Variants in TENM3 observed in about 807,000 individuals in gnomAD.
TENM3 encodes teneurin transmembrane protein 3, also known as teneurin-3.
In TENM3, 63 loss-of-function variants were observed where a neutral mutation model predicts 255.1. That is an observed-to-expected ratio of 0.25 (90% CI 0.20 to 0.30). TENM3 has a LOEUF of 0.30. TENM3 is among the 10% of genes least tolerant of loss of function. The probability of loss-of-function intolerance (pLI) is 1.00; values close to 1 mark genes in which losing one functional copy is unlikely to be tolerated. For missense variants in TENM3, 2,929 were observed against 3,461.1 expected, an observed-to-expected ratio of 0.85 and a Z score of 3.86; for synonymous variants, 1,306 against 1,322.3, an observed-to-expected ratio of 0.99 and a Z score of 0.27.
chr4:182,750,463 A>G (rs1305271066), intron 19 of TENM3, among the ~76,000 whole-genome samples: 2 of 152,204 alleles, frequency 1.3e-5, no homozygotes, highest in African/African-American at 2.4e-5. Context: ...AACATGAGAA[A>G]CACTTAAACA....
At chr4:182,060,531 C>T in the TENM3 span, among the ~76,000 whole-genome samples, 1 of 152,114 alleles carries the variant, frequency 6.6e-6, no homozygotes, top group African/African-American at 2.4e-5. Flanking sequence ...ACTCACTGGC[C>T]CAACACTCAC....
the TENM3 span, among the ~76,000 whole-genome samples, chr4:182,097,524 C>T: frequency 2.0e-5 from 3 of 152,252 alleles, no homozygotes; most frequent in African/African-American, 7.2e-5. Context: ...CTTTATGGGT[C>T]TCTGCTACCC....
intron 3 of TENM3, among the ~76,000 whole-genome samples, chr4:182,512,322 TAGA>T (rs1425015713): frequency 2.6e-5 from 4 of 152,114 alleles, no homozygotes; most frequent in Non-Finnish European, 5.9e-5. Context: ...TCAGGGACCG[TAGA>T]AGATGACAGA....
intron 3 of TENM3, among the ~76,000 whole-genome samples, chr4:182,535,381 C>T (rs1291534152): frequency 6.6e-6 from 1 of 152,108 alleles, no homozygotes; most frequent in African/African-American, 2.4e-5. Context: ...GACTCTGAGG[C>T]AAGGCAGAAT....
chr4:181,659,038 A>T, the TENM3 span, among the ~76,000 whole-genome samples: 1 of 152,218 alleles, frequency 6.6e-6, no homozygotes, highest in African/African-American at 2.4e-5. Flanking sequence ...GATGTTTGCC[A>T]TTAAAGGGAA....
In TENM3 at chr4:182,743,227, T is replaced by C. The variant is rs1195021847; in HGVS notation, c.3437T>C (p.Val1146Ala). ...TTCATCTCCCAGCAGCCTCCAGTCG[T>C]GAGTAGCATCATGGGCAATGGGCGA... ...NQFISQQPPV[V>A]SSIMGNGRRR... The change falls in exon 19 of 28, where the codon GTG becomes GCG. Residue 1146 changes from valine to alanine, a missense_variant. Around this residue, in one of 6 missense-constraint regions of TENM3, gnomAD observed 1,608 missense variants for 1,884.4 expected, o/e 0.85. Coordinates refer to ENST00000511685, the MANE Select transcript of TENM3 (RefSeq NM_001080477.4). 7 of 1,613,880 alleles carry C rather than the reference T, an allele frequency of 4.3e-6. No homozygotes were observed. The highest frequency in any genetic ancestry group is 5.9e-6 in the Non-Finnish European group (7 of 1,179,876).
At chr4:182,521,829 G>GT (rs908289747) in intron 3 of TENM3, among the ~76,000 whole-genome samples, 1 of 152,112 alleles carries the variant, frequency 6.6e-6, no homozygotes, top group Non-Finnish European at 1.5e-5. Flanking sequence ...GTCCATGACA[G>GT]TTTTTTTCCT....
chr4:182,464,349 C>T lies in TENM3; in HGVS notation c.511+117420C>T, dbSNP rs564072750. ...TTGGCTCACTGCAACCTCCGCCTCC[C>T]GGGTTCAAGTGATTCTCCTGACTCA... On this transcript the variant is annotated intron_variant, in intron 3 of 27. Transcript: ENST00000511685. 2.3e-4 allele frequency among the ~76,000 whole-genome samples: 35 copies of T among 152,152 alleles called. No individual in the cohort carries two copies. The South Asian group carries it at 6.9e-3, about 30-fold the overall frequency.
At chr4:181,794,201 C>T in the TENM3 span, among the ~76,000 whole-genome samples, 1 of 145,328 alleles carries the variant, frequency 6.9e-6, no homozygotes, top group Non-Finnish European at 1.5e-5. Context: ...TATATATATA[C>T]ACACTGCAAA....
the TENM3 span, among the ~76,000 whole-genome samples, chr4:182,066,796 A>G: frequency 2.6e-5 from 4 of 152,012 alleles, no homozygotes; most frequent in East Asian, 1.9e-4. Flanking sequence ...CTGTAGTCCC[A>G]GCTACTCGGG....
the TENM3 span, among the ~76,000 whole-genome samples, chr4:181,819,269 G>A: frequency 6.6e-6 from 1 of 151,814 alleles, no homozygotes; most frequent in East Asian, 1.9e-4. Flanking sequence ...CCCCCAATCG[G>A]CCTAGTCCCA....
the TENM3 span, among the ~76,000 whole-genome samples, chr4:181,531,318 A>G: frequency 1.3e-5 from 2 of 152,186 alleles, no homozygotes; most frequent in Non-Finnish European, 2.9e-5. Flanking sequence ...GTGAACCCCA[A>G]CGACAAAGTT....
chr4:182,660,902 G>A (rs568565481), intron 6 of TENM3, among the ~76,000 whole-genome samples: 3 of 152,222 alleles, frequency 2.0e-5, no homozygotes, highest in South Asian at 2.1e-4. Context: ...GAAAATCTCC[G>A]TTAGGGAAAA....
chr4:182,799,894 ACTT>A lies in TENM3; in HGVS notation c.7645_7647del (p.Phe2549del). 1.2e-6 allele frequency: 2 copies of A among 1,609,764 alleles called. No individual in the cohort carries two copies. Among genetic ancestry groups the A allele is most frequent in the Non-Finnish European group, 8.5e-7 (1 of 1,178,296 alleles). On this transcript the variant is annotated inframe_deletion, in exon 28 of 28. Transcript: ENST00000511685. The surrounding 1 kb of genome is among the most constrained non-coding windows in gnomAD (Gnocchi z 4.2). ...ACCATCGAGGGCAAGGACACGCACTACTTCATCAAGACCACCACGCCCGAGAGC... is the reference window on the plus strand; with the variant it reads ...ACCATCGAGGGCAAGGACACGCACTACATCAAGACCACCACGCCCGAGAGC...
chr4:182,564,960 C>T (rs991251272), intron 3 of TENM3, among the ~76,000 whole-genome samples: 3 of 152,126 alleles, frequency 2.0e-5, no homozygotes, highest in African/African-American at 7.2e-5. Context: ...GAATATGTGC[C>T]GTCTTACTTA....
At chr4:182,424,791 TA>T (rs1771084740) in intron 3 of TENM3, among the ~76,000 whole-genome samples, 1 of 152,198 alleles carries the variant, frequency 6.6e-6, no homozygotes, top group South Asian at 2.1e-4. Flanking sequence ...CAATTGAGGT[TA>T]AAAGAAATTA....
chr4:182,367,359 G>C (rs539668403), intron 3 of TENM3, among the ~76,000 whole-genome samples: 1 of 152,254 alleles, frequency 6.6e-6, no homozygotes, highest in East Asian at 1.9e-4. Flanking sequence ...AACTGTGAAC[G>C]TTGTGCCAAG....
In TENM3 at chr4:182,328,345, A is replaced by C. The variant is rs532468928; in HGVS notation, c.232+4093A>C. On this transcript the variant is annotated intron_variant, in intron 2 of 27. Coordinates refer to ENST00000511685, the MANE Select transcript of TENM3 (RefSeq NM_001080477.4). Reference sequence around the variant, plus strand: ...ATTTTCCTGCCTCAGCTTCCCGAGTAGCTGGAATTATAGGCGCCTGCCACT... The same window carrying C: ...ATTTTCCTGCCTCAGCTTCCCGAGTCGCTGGAATTATAGGCGCCTGCCACT... Among the ~76,000 whole-genome samples the C allele has an allele frequency of 2.0e-5, 3 of 152,134 alleles. No homozygotes were observed. The South Asian group carries it at 6.2e-4, about 32-fold the overall frequency.
At chr4:182,236,419 C>G (rs1340314426) in intron 1 of TENM3, among the ~76,000 whole-genome samples, 1 of 152,128 alleles carries the variant, frequency 6.6e-6, no homozygotes, top group Admixed American at 6.5e-5. Flanking sequence ...GACCATCTGC[C>G]TATTCATAAT....
Sources: gnomAD v4.1 joint callset for allele counts (sites outside exome capture counted in the v4.1 genomes callset) on GRCh38, gnomAD v4.1.1 for gene constraint, gnomAD v4.1.1 regional missense constraint, Gnocchi (gnomAD v3.1) non-coding constraint, MANE v1.5 for transcripts, NCBI Gene and HGNC (gene_info 2026-07-23, HGNC 2026-07-21) for gene names.